Variants in SUPT3H observed in about 807,000 individuals in gnomAD.
The protein encoded by SUPT3H is transcription initiation protein SPT3 homolog.
A neutral mutation model predicts 44.3 loss-of-function variants in SUPT3H; 44 were observed. The observed-to-expected ratio is 0.99, with a 90% CI of 0.78 to 1.28. The LOEUF is 1.28. SUPT3H is among the 50% of genes most tolerant of loss of function. The probability of loss-of-function intolerance (pLI) is 0.00; values close to 1 mark genes in which losing one functional copy is unlikely to be tolerated. For missense variants in SUPT3H, 380 were observed against 387.1 expected (o/e 0.98, Z 0.15); for synonymous variants, 124 against 125.6 (o/e 0.99, Z 0.09).
At chr6:45,282,453 A>G (rs1179470418) in intron 2 of SUPT3H, among the ~76,000 whole-genome samples, 8 of 152,234 alleles carry the variant, frequency 5.3e-5, no homozygotes, top group Non-Finnish European at 1.2e-4. Context: ...AAGCTTCAGT[A>G]GCCGATTCGA....
Position 44,854,450 on chromosome 6 carries a change from T to A in SUPT3H, c.913-24593A>T, listed in dbSNP as rs146710826. On this transcript the variant is annotated intron_variant, in intron 10 of 10. Coordinates refer to ENST00000371459, the MANE Select transcript of SUPT3H (RefSeq NM_003599.4). Reference sequence around the variant, plus strand: ...ATCAGTATAAACTAATACTGAACAGTAGATACTAGGAGTCATTCTGCTCTT... The same window carrying A: ...ATCAGTATAAACTAATACTGAACAGAAGATACTAGGAGTCATTCTGCTCTT... 7.9e-5 allele frequency among the ~76,000 whole-genome samples: 12 copies of A among 152,274 alleles called. No individual in the cohort carries two copies. The East Asian group carries it at 2.3e-3, about 29-fold the overall frequency.
At chr6:45,199,442 T>C (rs1199274032) in intron 2 of SUPT3H, among the ~76,000 whole-genome samples, 1 of 150,150 alleles carries the variant, frequency 6.7e-6, no homozygotes, top group Non-Finnish European at 1.5e-5. Context: ...ATTTTTTGCA[T>C]ATTTCTTTAA....
At chr6:45,283,064 C>T (rs886280930) in intron 2 of SUPT3H, among the ~76,000 whole-genome samples, 1 of 152,116 alleles carries the variant, frequency 6.6e-6, no homozygotes, top group Admixed American at 6.6e-5. Context: ...CAGGCCTGCC[C>T]TAAAAGAGCT....
intron 6 of SUPT3H, among the ~76,000 whole-genome samples, chr6:44,997,496 T>C (rs1326900397): frequency 6.6e-6 from 1 of 151,844 alleles, no homozygotes; most frequent in African/African-American, 2.4e-5. Context: ...TACTGAATTA[T>C]GGAAGAAGCT....
chr6:44,997,558 A>G (rs2153502481), intron 6 of SUPT3H, among the ~76,000 whole-genome samples: 1 of 151,988 alleles, frequency 6.6e-6, no homozygotes, highest in Non-Finnish European at 1.5e-5. Flanking sequence ...TACTGGCTTC[A>G]GTACTTTTTA....
intron 10 of SUPT3H, among the ~76,000 whole-genome samples, chr6:44,861,902 G>A (rs779826850): frequency 1.4e-4 from 21 of 152,136 alleles, no homozygotes; most frequent in Non-Finnish European, 2.1e-4. Context: ...AAGCTAAAAT[G>A]TAAGATCTTG....
chr6:44,889,724 A>C (rs1762967570), intron 10 of SUPT3H, among the ~76,000 whole-genome samples: 1 of 152,202 alleles, frequency 6.6e-6, no homozygotes, highest in Admixed American at 6.5e-5. Flanking sequence ...TGTCTAAAAC[A>C]CCAAAAGCAA....
intron 2 of SUPT3H, among the ~76,000 whole-genome samples, chr6:45,212,217 C>A (rs1278952434): frequency 6.6e-6 from 1 of 152,096 alleles, no homozygotes; most frequent in African/African-American, 2.4e-5. Context: ...CAAATATACA[C>A]ACTTTTCTTA....
At chr6:45,367,396 G>C (rs1474810356) in intron 1 of SUPT3H, among the ~76,000 whole-genome samples, 2 of 151,654 alleles carry the variant, frequency 1.3e-5, no homozygotes. Flanking sequence ...AAGACTTTTG[G>C]AATAAGTACT....
At chr6:45,189,286 C>T (rs1814766642) in intron 2 of SUPT3H, among the ~76,000 whole-genome samples, 1 of 152,106 alleles carries the variant, frequency 6.6e-6, no homozygotes, top group Non-Finnish European at 1.5e-5. Flanking sequence ...TTTCTCCTTA[C>T]CATGTTTATA....
At chr6:44,964,707 G>C (rs1776541243) in intron 6 of SUPT3H, among the ~76,000 whole-genome samples, 1 of 152,064 alleles carries the variant, frequency 6.6e-6, no homozygotes, top group South Asian at 2.1e-4. Context: ...ACTTTGATCT[G>C]AGGAGCCCCA....
chr6:44,992,468 G>A (rs1780732052), intron 6 of SUPT3H, among the ~76,000 whole-genome samples: 1 of 152,110 alleles, frequency 6.6e-6, no homozygotes, highest in Non-Finnish European at 1.5e-5. Context: ...CTTGATGTAG[G>A]AAAGGTGGAA....
intron 2 of SUPT3H, among the ~76,000 whole-genome samples, chr6:45,226,427 C>A (rs1193936259): frequency 6.6e-6 from 1 of 152,026 alleles, no homozygotes; most frequent in Non-Finnish European, 1.5e-5. Flanking sequence ...TTGTGCTGTG[C>A]TGGTAAAATA....
chr6:44,931,330 TTGAC>T (rs766541466), intron 10 of SUPT3H, among the ~76,000 whole-genome samples: 13 of 152,192 alleles, frequency 8.5e-5, no homozygotes, highest in Non-Finnish European at 1.6e-4. Flanking sequence ...TCATCATTAT[TTGAC>T]TGTTTTCGAT....
At chr6:44,941,487 GT>G (rs1309145703) in intron 9 of SUPT3H, among the ~76,000 whole-genome samples, 7 of 152,084 alleles carry the variant, frequency 4.6e-5, no homozygotes, top group African/African-American at 1.4e-4. Context: ...TGCCTGTAAG[GT>G]TTTGCTGAGA....
At chr6:45,259,776 C>T (rs533735206) in intron 2 of SUPT3H, among the ~76,000 whole-genome samples, 3 of 152,190 alleles carry the variant, frequency 2.0e-5, no homozygotes, top group Non-Finnish European at 2.9e-5. Context: ...TTGTTTACAC[C>T]GATCCCCTCC....
intron 9 of SUPT3H, among the ~76,000 whole-genome samples, chr6:44,942,090 G>A (rs192549375): frequency 8.2e-4 from 125 of 152,152 alleles, no homozygotes; most frequent in Admixed American, 7.9e-3. Flanking sequence ...TAAATATACG[G>A]AGAAAAATGT....
intron 2 of SUPT3H, among the ~76,000 whole-genome samples, chr6:45,152,157 T>C (rs1268737408): frequency 6.6e-5 from 10 of 152,124 alleles, no homozygotes; most frequent in Admixed American, 6.6e-4. Context: ...ACACCCAAAA[T>C]TAAGAAGAAA....
chr6:44,887,495 G>C (rs1322921313), intron 10 of SUPT3H, among the ~76,000 whole-genome samples: 1 of 152,156 alleles, frequency 6.6e-6, no homozygotes, highest in East Asian at 1.9e-4. Context: ...CATGGAAACT[G>C]AACAACCTGC....
Sources: allele counts gnomAD v4.1 joint callset (sites outside exome capture counted in the v4.1 genomes callset), GRCh38; gene constraint gnomAD v4.1.1; transcripts MANE v1.5; gene names NCBI Gene and HGNC (gene_info 2026-07-23, HGNC 2026-07-21).